Variants in ARHGAP20 observed in about 807,000 individuals in gnomAD.
ARHGAP20 encodes Rho GTPase activating protein 20.
A neutral mutation model predicts 73.7 loss-of-function variants in ARHGAP20; 34 were observed. That is an observed-to-expected ratio of 0.46 (90% CI 0.35 to 0.61). ARHGAP20 has a LOEUF of 0.61. Among genes scored for constraint, ARHGAP20 ranks in the 20% least tolerant of loss-of-function variants. The pLI, the probability that ARHGAP20 is intolerant of heterozygous loss-of-function variation, is 0.00. For missense variants in ARHGAP20, 1,314 were observed against 1,420.9 expected, an observed-to-expected ratio of 0.92 and a Z score of 1.21; for synonymous variants, 523 against 518.2, an observed-to-expected ratio of 1.01 and a Z score of -0.13.
intron 1 of ARHGAP20, among the ~76,000 whole-genome samples, chr11:110,695,782 G>A (rs1367100441): frequency 6.6e-6 from 1 of 151,540 alleles, no homozygotes; most frequent in African/African-American, 2.4e-5. Flanking sequence ...ATTAAACATA[G>A]AGTTACCATA....
At position 110,615,550 on chromosome 11, in the gene ARHGAP20, T is replaced by C; in HGVS notation, c.545+3A>G. The C allele has an allele frequency of 5.0e-6, 8 of 1,608,346 alleles. No homozygotes were observed. Among genetic ancestry groups the C allele is most frequent in the Non-Finnish European group, 5.9e-6 (7 of 1,177,868 alleles). On this transcript the variant is annotated splice_donor_region_variant and intron_variant, in intron 5 of 14. Coordinates refer to ENST00000683387, the MANE Select transcript of ARHGAP20 (RefSeq NM_001384657.1). ...ATTAAAAATATGAATACTGAAAAAATACCTCTGAAGGAGAGAGAGCCATTT... is the reference window on the plus strand; with the variant it reads ...ATTAAAAATATGAATACTGAAAAAACACCTCTGAAGGAGAGAGAGCCATTT...
chr11:110,599,140 T>C (rs1019959194), intron 9 of ARHGAP20, among the ~76,000 whole-genome samples: 6 of 152,102 alleles, frequency 3.9e-5, no homozygotes, highest in African/African-American at 1.4e-4. Context: ...CAGAGCCCCA[T>C]TCCCCAACAC....
At chr11:110,656,996 T>C (rs1949481669) in intron 2 of ARHGAP20, among the ~76,000 whole-genome samples, 1 of 152,218 alleles carries the variant, frequency 6.6e-6, no homozygotes, top group Non-Finnish European at 1.5e-5. Flanking sequence ...TCTTATCTCT[T>C]TTTAGAGGGG....
At position 110,611,420 on chromosome 11, in the gene ARHGAP20, A is replaced by G. The variant is rs115236091; in HGVS notation, c.631-34T>C. ...AAAAAATAAGAAATATAGCTATAAA[A>G]TAATGAATTTTAAAACAGGTTAACA... On this transcript the variant is annotated intron_variant, in intron 6 of 14. Transcript: ENST00000683387. 3,648 of 1,134,946 alleles carry G rather than the reference A, an allele frequency of 3.2e-3. 37 individuals carry two copies. The African/African-American group carries it at 0.037, about 12-fold the overall frequency. 70.3% of individuals were successfully genotyped at this position (1,134,946 alleles called of 1,614,324 possible).
In ARHGAP20 at chr11:110,580,177, T is replaced by A; in HGVS notation, c.2769A>T (p.Leu923Phe). Residue 923 changes from leucine to phenylalanine, a missense_variant, in exon 15 of 15, where the codon TTA becomes TTT. Leu to Phe is a conservative substitution (Grantham distance 22). Transcript: ENST00000683387. ...TTGGGCAAAGGTTTAATCTTGGGGG[T>A]AAAACCTTCTCAGTGTTTTGGTTTG... ...SATNQNTEKV[L>F]PPRLNLCPRT... is the part of the protein sequence containing the mutation. The A allele has an allele frequency of 6.2e-7, 1 of 1,614,124 alleles. No individual in the cohort carries two copies. The highest frequency in any genetic ancestry group is 1.3e-5 in the African/African-American group (1 of 75,020).
At chr11:110,632,684 T>C (rs111776005) in intron 2 of ARHGAP20, among the ~76,000 whole-genome samples, 8 of 152,256 alleles carry the variant, frequency 5.3e-5, no homozygotes, top group African/African-American at 1.7e-4. Context: ...GGATTACAGG[T>C]TGAGCCACCA....
chr11:110,595,380 A>T (rs1158546604), intron 9 of ARHGAP20, among the ~76,000 whole-genome samples: 1 of 152,224 alleles, frequency 6.6e-6, no homozygotes, highest in Non-Finnish European at 1.5e-5. Flanking sequence ...ACACGATTGT[A>T]TATCTAGAAA....
At chr11:110,664,675 C>T (rs1358613343) in intron 2 of ARHGAP20, among the ~76,000 whole-genome samples, 1 of 140,288 alleles carries the variant, frequency 7.1e-6, no homozygotes, top group African/African-American at 2.7e-5. Flanking sequence ...TTCCAGTGAG[C>T]GGAGACTGTG....
intron 1 of ARHGAP20, among the ~76,000 whole-genome samples, chr11:110,705,098 C>G (rs1355701735): frequency 6.6e-6 from 1 of 152,022 alleles, no homozygotes. Flanking sequence ...TCTAGGAAGG[C>G]AAGTTTTACA....
chr11:110,688,157 A>G (rs1233821090), intron 2 of ARHGAP20, among the ~76,000 whole-genome samples: 1 of 152,126 alleles, frequency 6.6e-6, no homozygotes, highest in East Asian at 1.9e-4. Context: ...TTCTCTACGC[A>G]GGATATTCTG....
rs748260347 is a variant in ARHGAP20, at chr11:110,577,838, AT to A, written c.*1531del. The A allele has an allele frequency of 1.0e-6, 1 of 985,738 alleles. No individual in the cohort carries two copies. Among genetic ancestry groups the A allele is most frequent in the Non-Finnish European group, 1.2e-6 (1 of 829,844 alleles). The allele number at this position is 985,738 out of a possible 1,614,324, so 61.1% of individuals were successfully genotyped here. A position where few individuals can be genotyped will look rare whatever the true frequency, so the allele number is the denominator to read the frequency against. On this transcript the variant is annotated 3_prime_UTR_variant, in exon 15 of 15. Coordinates refer to ENST00000683387, the MANE Select transcript of ARHGAP20 (RefSeq NM_001384657.1). Reference sequence around the variant, plus strand: ...TAACTTCTTCTATCTTAGAGAAAATATTTTTTCCCCTATAACTGAAAATGCA... The same window carrying A: ...TAACTTCTTCTATCTTAGAGAAAATATTTTTCCCCTATAACTGAAAATGCA...
intron 1 of ARHGAP20, among the ~76,000 whole-genome samples, chr11:110,706,712 C>T (rs1019002483): frequency 6.6e-6 from 1 of 152,022 alleles, no homozygotes; most frequent in East Asian, 1.9e-4. Flanking sequence ...GGGTCATTAC[C>T]CCATTTTGCA....
chr11:110,599,869 G>A (rs1389178957), intron 9 of ARHGAP20, among the ~76,000 whole-genome samples: 1 of 152,122 alleles, frequency 6.6e-6, no homozygotes, highest in Non-Finnish European at 1.5e-5. Flanking sequence ...TCTCAGAGCT[G>A]CACAGATGAT....
intron 9 of ARHGAP20, among the ~76,000 whole-genome samples, chr11:110,600,833 G>A (rs1591307376): frequency 6.6e-6 from 1 of 152,308 alleles, no homozygotes; most frequent in South Asian, 2.1e-4. Context: ...CCAAAGATGA[G>A]TTACAGATCT....
intron 9 of ARHGAP20, among the ~76,000 whole-genome samples, chr11:110,600,734 G>A (rs951983929): frequency 6.6e-6 from 1 of 152,254 alleles, no homozygotes; most frequent in South Asian, 2.1e-4. Context: ...AGTAACATGT[G>A]AGTTGGGCCT....
chr11:110,609,198 C>T, intron 7 of ARHGAP20, 148 bp from the exon 8 acceptor site: 1 of 657,530 alleles, frequency 1.5e-6, no homozygotes, highest in Non-Finnish European at 2.7e-6. Flanking sequence ...TGGAATCAGG[C>T]CTTCACTATA....
chr11:110,668,167 A>G (rs1033302704), intron 2 of ARHGAP20, among the ~76,000 whole-genome samples: 2 of 152,178 alleles, frequency 1.3e-5, no homozygotes, highest in Middle Eastern at 3.2e-3. Context: ...CAATGTCTCA[A>G]ATTTCATTGT....
intron 9 of ARHGAP20, among the ~76,000 whole-genome samples, chr11:110,602,208 G>A (rs1773302100): frequency 7.4e-6 from 1 of 135,744 alleles, no homozygotes; most frequent in African/African-American, 3.2e-5. Context: ...ACATCTATCA[G>A]GATACCACAA....
At chr11:110,645,497 A>C (rs1047986657) in intron 2 of ARHGAP20, among the ~76,000 whole-genome samples, 1 of 152,196 alleles carries the variant, frequency 6.6e-6, no homozygotes, top group Non-Finnish European at 1.5e-5. Flanking sequence ...TACAGAGAAA[A>C]GGGAACACTT....
Sources: allele counts gnomAD v4.1 joint callset (sites outside exome capture counted in the v4.1 genomes callset), GRCh38; gene constraint gnomAD v4.1.1; transcripts MANE v1.5; gene names NCBI Gene and HGNC (gene_info 2026-07-23, HGNC 2026-07-21).